The following ATAD2B variants were observed in gnomAD, a reference collection of about 807,000 sequenced individuals.
The protein encoded by ATAD2B is ATPase family AAA domain-containing protein 2B.
Under a neutral mutation model 167.6 loss-of-function variants are expected in ATAD2B, and 40 were observed. That is an observed-to-expected ratio of 0.24 (90% confidence interval 0.19 to 0.31). The LOEUF is 0.31. Ranked by LOEUF, ATAD2B falls within the 10% of genes least tolerant of loss-of-function variation. The probability of loss-of-function intolerance (pLI) is 1.00; values close to 1 mark genes in which losing one functional copy is unlikely to be tolerated. For synonymous variants in ATAD2B, 579 were observed against 596.5 expected (o/e 0.97, Z 0.43); for missense variants, 1,242 against 1,757.2 (o/e 0.71, Z 5.24).
At chr2:23,852,738 G>A (rs1175259526) in intron 13 of ATAD2B, among the ~76,000 whole-genome samples, 3 of 151,990 alleles carry the variant, frequency 2.0e-5, no homozygotes, top group Admixed American at 6.6e-5. Flanking sequence ...GACCAACATG[G>A]TGAAACCCTG....
chr2:23,913,333 A>G (rs1203464104), intron 1 of ATAD2B, among the ~76,000 whole-genome samples: 1 of 152,222 alleles, frequency 6.6e-6, no homozygotes, highest in Non-Finnish European at 1.5e-5. Flanking sequence ...TCAATATATT[A>G]CTAATCAAAA....
At chr2:23,818,312 AAGAG>A (rs1238272239) in intron 17 of ATAD2B, among the ~76,000 whole-genome samples, 1 of 134,142 alleles carries the variant, frequency 7.5e-6, no homozygotes, top group African/African-American at 2.7e-5. Flanking sequence ...GAGAGAGAGA[AAGAG>A]AGAGAGACAG....
chr2:23,911,222 GAA>G (rs772518911), intron 1 of ATAD2B, among the ~76,000 whole-genome samples: 3 of 136,830 alleles, frequency 2.2e-5, no homozygotes, highest in East Asian at 2.1e-4. Flanking sequence ...ACTCCGTCTG[GAA>G]AAAAAAAAAA....
At chr2:23,716,782 G>GTTT in the ATAD2B span, among the ~76,000 whole-genome samples, 1 of 152,156 alleles carries the variant, frequency 6.6e-6, no homozygotes, top group African/African-American at 2.4e-5. Context: ...TGCAAACAGA[G>GTTT]GAAAAAGCCC....
At chr2:23,869,824 T>A in intron 8 of ATAD2B, 63 bp from the exon 9 acceptor site, 1 of 1,013,340 alleles carries the variant, frequency 9.9e-7, no homozygotes, top group Non-Finnish European at 1.5e-6. Flanking sequence ...TAAAACACAC[T>A]GTAATATCTA....
chr2:23,741,641 G>A, the ATAD2B span, among the ~76,000 whole-genome samples: 1 of 152,158 alleles, frequency 6.6e-6, no homozygotes, highest in African/African-American at 2.4e-5. Context: ...ACATAGGCAT[G>A]GGCAAGGACG....
At chr2:23,685,993 G>T in the ATAD2B span, among the ~76,000 whole-genome samples, 1 of 152,158 alleles carries the variant, frequency 6.6e-6, no homozygotes, top group Non-Finnish European at 1.5e-5. Context: ...CAGGGCCCTC[G>T]GATGGCTTTC....
intron 22 of ATAD2B, among the ~76,000 whole-genome samples, chr2:23,769,256 T>A (rs1677922492): frequency 6.6e-6 from 1 of 152,004 alleles, no homozygotes; most frequent in Non-Finnish European, 1.5e-5. Flanking sequence ...CTGACCAACA[T>A]GGTGAAACCC....
At chr2:23,771,648 CCT>C (rs1431416769) in intron 22 of ATAD2B, among the ~76,000 whole-genome samples, 1 of 151,988 alleles carries the variant, frequency 6.6e-6, no homozygotes, top group Non-Finnish European at 1.5e-5. Context: ...TTCCCTTTTT[CCT>C]CTTTTTCTCA....
At chr2:23,871,224 C>T (rs1695921140) in intron 8 of ATAD2B, among the ~76,000 whole-genome samples, 1 of 152,008 alleles carries the variant, frequency 6.6e-6, no homozygotes, top group Non-Finnish European at 1.5e-5. Flanking sequence ...TCTTCTTCTC[C>T]ACCCCTACCT....
At chr2:23,823,655 TAA>T (rs1687808573) in intron 15 of ATAD2B, 86 bp from the exon 16 acceptor site, 6 of 1,209,670 alleles carry the variant, frequency 5.0e-6, no homozygotes, top group East Asian at 2.4e-5. Flanking sequence ...CATCTTTAGC[TAA>T]AGTCATAATC....
intron 13 of ATAD2B, among the ~76,000 whole-genome samples, chr2:23,852,738 G>C (rs1175259526): frequency 6.6e-6 from 1 of 151,990 alleles, no homozygotes; most frequent in Admixed American, 6.6e-5. Context: ...GACCAACATG[G>C]TGAAACCCTG....
At chr2:23,706,685 T>A in the ATAD2B span, 1 of 1,488,828 alleles carries the variant, frequency 6.7e-7, no homozygotes, top group Middle Eastern at 1.7e-4. Flanking sequence ...AAGCCCACGA[T>A]AAGACTGTGG....
intron 11 of ATAD2B, among the ~76,000 whole-genome samples, chr2:23,864,137 T>C (rs1211129252): frequency 6.6e-6 from 1 of 151,866 alleles, no homozygotes; most frequent in Middle Eastern, 3.2e-3. Flanking sequence ...CCCGAGTAGC[T>C]GGGATTACAG....
At chr2:23,771,576 G>A (rs899532498) in intron 22 of ATAD2B, among the ~76,000 whole-genome samples, 3 of 152,158 alleles carry the variant, frequency 2.0e-5, no homozygotes, top group Non-Finnish European at 4.4e-5. Flanking sequence ...TACTTTTAAT[G>A]TGATGTATGT....
At chr2:23,911,033 C>A (rs1702221317) in intron 1 of ATAD2B, among the ~76,000 whole-genome samples, 1 of 151,598 alleles carries the variant, frequency 6.6e-6, no homozygotes, top group Non-Finnish European at 1.5e-5. Context: ...TCGAGACCAG[C>A]CTGACCAACA....
intron 12 of ATAD2B, among the ~76,000 whole-genome samples, chr2:23,862,973 T>TTC (rs1558680859): frequency 6.6e-6 from 1 of 152,210 alleles, no homozygotes; most frequent in African/African-American, 2.4e-5. Context: ...AATCACAGAT[T>TTC]ACTAATCCTG....
At chr2:23,872,311 A>G (rs946439762) in intron 8 of ATAD2B, 4 of 551,694 alleles carry the variant, frequency 7.3e-6, no homozygotes, top group Non-Finnish European at 1.4e-5. Flanking sequence ...TTCATCCCCC[A>G]GGAACTGCAT....
In ATAD2B at chr2:23,926,537, G is replaced by C. The variant is rs1475521202; in HGVS notation, c.216+18C>G. 2.0e-6 allele frequency: 3 copies of C among 1,538,094 alleles called. No homozygotes were observed. Among genetic ancestry groups the C allele is most frequent in the African/African-American group, 1.4e-5 (1 of 72,414 alleles). On this transcript the variant is annotated intron_variant, in intron 1 of 27. Transcript: ENST00000238789. ...CCGGCACTTCCGAGCCTCCGGACTC[G>C]GGACGCCGCGCTCTTACCCTGGCCT...
Sources: gnomAD v4.1 joint callset for allele counts (sites outside exome capture counted in the v4.1 genomes callset) on GRCh38, gnomAD v4.1.1 for gene constraint, MANE v1.5 for transcripts, NCBI Gene and HGNC (gene_info 2026-07-23, HGNC 2026-07-21) for gene names.